The following C13orf42 variants were observed in gnomAD, a reference collection of about 807,000 sequenced individuals.
C13orf42 encodes the protein uncharacterized protein C13orf42.
chr13:51,111,393 G>A (rs1036644346), upstream of C13orf42, among the ~76,000 whole-genome samples: 1 of 152,114 alleles, frequency 6.6e-6, no homozygotes, highest in African/African-American at 2.4e-5. Flanking sequence ...TCCCATGGGG[G>A]ATGTTTACAT....
At chr13:51,107,561 G>A (rs73485835) in intron 1 of C13orf42, among the ~76,000 whole-genome samples, 10,176 of 152,192 alleles carry the variant, frequency 0.067, 690 homozygotes, top group African/African-American at 0.18. Context: ...GCTTGCATCC[G>A]GATGGAGGGA....
intron 1 of C13orf42, among the ~76,000 whole-genome samples, chr13:51,088,545 T>C (rs990657616): frequency 1.3e-5 from 2 of 152,142 alleles, no homozygotes; most frequent in African/African-American, 4.8e-5. Context: ...GCTGAAAGAG[T>C]ATAATTGGAT....
chr13:51,135,174 G>A (rs1381538355), intron 1 of C13orf42, among the ~76,000 whole-genome samples: 1 of 152,210 alleles, frequency 6.6e-6, no homozygotes, highest in Admixed American at 6.5e-5. Flanking sequence ...TGCTCAGCCT[G>A]GCAGTGGAAC....
At chr13:51,156,725 A>G (rs935327633) in intron 1 of C13orf42, among the ~76,000 whole-genome samples, 1 of 152,242 alleles carries the variant, frequency 6.6e-6, no homozygotes, top group Non-Finnish European at 1.5e-5. Context: ...GTACTTGATC[A>G]GGGTAGTTAC....
At chr13:51,106,244 G>T (rs1303898390) in intron 1 of C13orf42, among the ~76,000 whole-genome samples, 2 of 152,174 alleles carry the variant, frequency 1.3e-5, no homozygotes, top group African/African-American at 4.8e-5. Flanking sequence ...CTTTCAGCCA[G>T]GTTTCTCTTG....
At chr13:51,125,328 T>A (rs558716399) in intron 1 of C13orf42, among the ~76,000 whole-genome samples, 1 of 152,344 alleles carries the variant, frequency 6.6e-6, no homozygotes, top group South Asian at 2.1e-4. Context: ...AAGCATGTTA[T>A]TTTCTTCTTC....
chr13:51,097,745 T>C (rs55814122), intron 1 of C13orf42, among the ~76,000 whole-genome samples: 69,973 of 151,466 alleles, frequency 0.46, 16,220 homozygotes, highest in African/African-American at 0.52. Context: ...CCTCCCAATC[T>C]TGATTTTTTT....
chr13:51,114,651 T>TAGATAGAGATAGAC (rs1555266732), upstream of C13orf42, among the ~76,000 whole-genome samples: 12 of 142,378 alleles, frequency 8.4e-5, no homozygotes, highest in African/African-American at 1.8e-4. Flanking sequence ...TAGATAGAGA[T>TAGATAGAGATAGAC]AGACAGACAG....
At chr13:51,099,387 A>G (rs1458080662) in intron 1 of C13orf42, among the ~76,000 whole-genome samples, 4 of 152,228 alleles carry the variant, frequency 2.6e-5, no homozygotes, top group Non-Finnish European at 4.4e-5. Context: ...TAAATAGTCA[A>G]CTTGCCAGGG....
intron 1 of C13orf42, among the ~76,000 whole-genome samples, chr13:51,110,352 T>C (rs1953413497): frequency 6.6e-6 from 1 of 152,204 alleles, no homozygotes; most frequent in Non-Finnish European, 1.5e-5. Context: ...AATGCAAATA[T>C]GGTGCCGCCT....
At chr13:51,127,824 T>C (rs546909848) in intron 1 of C13orf42, among the ~76,000 whole-genome samples, 1 of 152,296 alleles carries the variant, frequency 6.6e-6, no homozygotes, top group Non-Finnish European at 1.5e-5. Flanking sequence ...CAGAGGTGTA[T>C]GAACCAGAGC....
chr13:51,166,926 A>G lies in C13orf42; in HGVS notation n.136+5327T>C, dbSNP rs377384073. On this transcript the variant is annotated intron_variant and non_coding_transcript_variant, in intron 1 of 4. Coordinates refer to the C13orf42 transcript ENST00000433280. ...AAACCCTGTCTCTACTAAAAATATA[A>G]AAATTAGCTATGTGTGGTGGTGCGC... Among the ~76,000 whole-genome samples the G allele has an allele frequency of 4.9e-4, 74 of 152,202 alleles. 5 individuals are homozygous for G. In the South Asian group the frequency reaches 0.015, roughly 31 times the overall value.
intron 2 of C13orf42, among the ~76,000 whole-genome samples, chr13:51,086,493 AGT>A (rs985680373): frequency 1.1e-4 from 16 of 146,806 alleles, no homozygotes; most frequent in East Asian, 5.8e-4. Flanking sequence ...TGTGTAAGAG[AGT>A]GTGTGTGTGA....
chr13:51,126,069 T>C (rs1051928242), intron 1 of C13orf42, among the ~76,000 whole-genome samples: 25 of 152,308 alleles, frequency 1.6e-4, no homozygotes, highest in African/African-American at 5.8e-4. Context: ...TATGCAAATT[T>C]CATGTGCCTG....
In C13orf42 at chr13:51,111,083, C is replaced by A; in HGVS notation, c.127G>T (p.Gly43Trp). The A allele has an allele frequency of 2.5e-6, 1 of 398,628 alleles. No homozygotes were observed. The highest frequency in any genetic ancestry group is 4.4e-6 in the Non-Finnish European group (1 of 226,098). 24.7% of individuals were successfully genotyped at this position (398,628 alleles called of 1,614,324 possible). A position where few individuals can be genotyped will look rare whatever the true frequency, so the allele number is the denominator to read the frequency against. Residue 43 changes from glycine (G) to tryptophan (W), a missense_variant, in exon 1 of 4, where the codon GGG (glycine) becomes TGG (tryptophan). Physicochemically the swap from Gly to Trp is radical, Grantham distance 184. Transcript: ENST00000563710. ...LIRSSSMYVV[G>W]DHGEKFSESL... ...TCGCTGAATTTCTCCCCGTGGTCCCCGACCACATACATGGAACTGCTTCGA... is the reference window on the plus strand; with the variant it reads ...TCGCTGAATTTCTCCCCGTGGTCCCAGACCACATACATGGAACTGCTTCGA...
chr13:51,087,802 T>C (rs1953144051), intron 2 of C13orf42, 126 bp downstream of exon 2: 1 of 395,936 alleles, frequency 2.5e-6, no homozygotes, highest in Non-Finnish European at 4.4e-6. Context: ...TTCCCTTTAA[T>C]CAGGGAGGTG....
At chr13:51,100,110 G>A (rs547075477) in intron 1 of C13orf42, among the ~76,000 whole-genome samples, 1 of 150,676 alleles carries the variant, frequency 6.6e-6, no homozygotes, top group African/African-American at 2.5e-5. Flanking sequence ...TTCAAGTTGT[G>A]TTCTCAGTTC....
intron 1 of C13orf42, 85 bp from the exon 2 acceptor site, chr13:51,088,160 A>C: frequency 2.5e-6 from 1 of 396,804 alleles, no homozygotes; most frequent in Non-Finnish European, 4.4e-6. Flanking sequence ...GCTAAAACGA[A>C]ATGCGCGTGG....
At chr13:51,157,302 T>G (rs928549446) in intron 1 of C13orf42, among the ~76,000 whole-genome samples, 1 of 152,096 alleles carries the variant, frequency 6.6e-6, no homozygotes, top group Admixed American at 6.5e-5. Context: ...AGCGCAGTGG[T>G]GTGCACGTGT....
Sources: gnomAD v4.1 joint callset for allele counts (sites outside exome capture counted in the v4.1 genomes callset) on GRCh38, gnomAD v4.1.1 for gene constraint, MANE v1.5 for transcripts, NCBI Gene and HGNC (gene_info 2026-07-23, HGNC 2026-07-21) for gene names.